The following PDZD2 variants were observed in gnomAD, a reference collection of about 807,000 sequenced individuals.
The protein encoded by PDZD2 is PDZ domain-containing protein 2.
A neutral mutation model predicts 220.7 loss-of-function variants in PDZD2; 90 were observed. The ratio of observed to expected loss-of-function variants is 0.41; its 90% CI spans 0.34 to 0.49. The LOEUF (loss-of-function observed/expected upper bound fraction) is 0.49. PDZD2 is among the 20% of genes least tolerant of loss of function. PDZD2 has a pLI of 0.28. For synonymous variants in PDZD2, 1,375 were observed against 1,450.5 expected (o/e 0.95, Z 1.18); for missense variants, 3,174 against 3,608.5 (o/e 0.88, Z 3.08).
chr5:32,040,450 C>G (rs1373530818), intron 7 of PDZD2, among the ~76,000 whole-genome samples: 10 of 102,834 alleles, frequency 9.7e-5, no homozygotes, highest in East Asian at 6.7e-4. Context: ...CCATCGTCTG[C>G]GATGTGAGGA....
intron 1 of PDZD2, among the ~76,000 whole-genome samples, chr5:31,681,997 A>G (rs1285845067): frequency 6.6e-6 from 1 of 152,252 alleles, no homozygotes; most frequent in Non-Finnish European, 1.5e-5. Context: ...TAGGACCAAA[A>G]GAGGGCTGTA....
chr5:31,858,687 C>CT (rs1243543373), intron 2 of PDZD2, among the ~76,000 whole-genome samples: 1 of 152,008 alleles, frequency 6.6e-6, no homozygotes, highest in Admixed American at 6.6e-5. Flanking sequence ...TTGCATTTCT[C>CT]TTTTCCTTCC....
At chr5:32,079,266 AAAC>A (rs1741664675) in intron 19 of PDZD2, among the ~76,000 whole-genome samples, 1 of 144,384 alleles carries the variant, frequency 6.9e-6, no homozygotes, top group South Asian at 2.1e-4. Flanking sequence ...CTCAAAAAAA[AAAC>A]AAAAAAAAAA....
chr5:31,850,111 T>TATATACGTGTATATATAAGTAG (rs1757931817), intron 2 of PDZD2, among the ~76,000 whole-genome samples: 1 of 142,640 alleles, frequency 7.0e-6, no homozygotes, highest in African/African-American at 2.5e-5. Context: ...TATATAAGTA[T>TATATACGTGTATATATAAGTAG]ATATACGTGT....
intron 2 of PDZD2, among the ~76,000 whole-genome samples, chr5:31,840,089 A>G (rs1312766095): frequency 1.3e-5 from 2 of 152,070 alleles, no homozygotes; most frequent in East Asian, 1.9e-4. Flanking sequence ...TTAGCCAGGC[A>G]TGGTGGCATG....
intron 6 of PDZD2, among the ~76,000 whole-genome samples, chr5:32,020,639 G>T (rs897353762): frequency 8.7e-5 from 10 of 115,086 alleles, no homozygotes; most frequent in African/African-American, 3.4e-4. Flanking sequence ...ATGACAAAAT[G>T]ATCTTTTTTT....
At chr5:31,716,648 C>T (rs1305983155) in intron 1 of PDZD2, among the ~76,000 whole-genome samples, 1 of 152,066 alleles carries the variant, frequency 6.6e-6, no homozygotes, top group Admixed American at 6.6e-5. Context: ...ACTAAAAATA[C>T]AAAAATTAGC....
At chr5:31,905,603 T>C (rs1344560194) in intron 2 of PDZD2, among the ~76,000 whole-genome samples, 1 of 152,262 alleles carries the variant, frequency 6.6e-6, no homozygotes, top group African/African-American at 2.4e-5. Flanking sequence ...TCATGCTAGC[T>C]CTGTGTATCT....
intron 3 of PDZD2, among the ~76,000 whole-genome samples, chr5:31,989,635 G>T (rs973212330): frequency 6.6e-6 from 1 of 152,044 alleles, no homozygotes; most frequent in African/African-American, 2.4e-5. Context: ...TGTTGGCCAG[G>T]CTGGCCTCGA....
chr5:31,955,296 T>TTTTTG (rs1554013717), intron 2 of PDZD2, among the ~76,000 whole-genome samples: 29 of 152,010 alleles, frequency 1.9e-4, no homozygotes, highest in Non-Finnish European at 4.3e-4. Flanking sequence ...TGGGTTTTTT[T>TTTTTG]TTTTGTTTTG....
intron 2 of PDZD2, among the ~76,000 whole-genome samples, chr5:31,930,479 G>T (rs1450378014): frequency 6.6e-6 from 1 of 152,026 alleles, no homozygotes; most frequent in Admixed American, 6.6e-5. Flanking sequence ...GATTACAGGC[G>T]TGAGCCACCG....
At chr5:31,749,052 C>A (rs1750770008) in intron 1 of PDZD2, among the ~76,000 whole-genome samples, 2 of 151,770 alleles carry the variant, frequency 1.3e-5, no homozygotes, top group South Asian at 4.2e-4. Context: ...CCTAAGCTAG[C>A]AAGATCAAAG....
At chr5:31,778,331 C>T (rs1056876634) in intron 1 of PDZD2, among the ~76,000 whole-genome samples, 2 of 152,190 alleles carry the variant, frequency 1.3e-5, no homozygotes, top group Non-Finnish European at 2.9e-5. Flanking sequence ...GGGTCCCCTT[C>T]CACACTGTGG....
At chr5:31,994,253 C>A (rs1052394162) in intron 3 of PDZD2, among the ~76,000 whole-genome samples, 2 of 151,732 alleles carry the variant, frequency 1.3e-5, no homozygotes, top group East Asian at 3.9e-4. Context: ...GTGATCCCCC[C>A]ACCTTGGCCT....
rs978082780 is a variant in PDZD2, at chr5:31,905,144, AT to A, written c.477-78002del. Among the ~76,000 whole-genome samples the A allele has an allele frequency of 2.2e-3, 327 of 150,808 alleles. 3 individuals carry two copies. Among genetic ancestry groups the A allele is most frequent in the Non-Finnish European group, 3.7e-3 (248 of 67,646 alleles). ...CCACCACGCCCGGCTAATTTTTTGT[AT>A]TTTTTTTTCTTTCTTAGTAGAGAGG... On this transcript the variant is annotated intron_variant, in intron 2 of 24. Coordinates refer to ENST00000438447, the MANE Select transcript of PDZD2 (RefSeq NM_178140.4).
intron 1 of PDZD2, among the ~76,000 whole-genome samples, chr5:31,648,674 A>T (rs1745225602): frequency 6.8e-6 from 1 of 147,828 alleles, no homozygotes. Context: ...TTTTTTTAAG[A>T]CTTTTTTTTT....
At chr5:31,997,546 C>T (rs1751733703) in intron 4 of PDZD2, among the ~76,000 whole-genome samples, 1 of 152,106 alleles carries the variant, frequency 6.6e-6, no homozygotes, top group African/African-American at 2.4e-5. Flanking sequence ...TTGAGGAGCT[C>T]CTGTCAGATA....
intron 2 of PDZD2, among the ~76,000 whole-genome samples, chr5:31,878,727 A>AT (rs531640344): frequency 6.6e-6 from 1 of 150,896 alleles, no homozygotes; most frequent in African/African-American, 2.4e-5. Context: ...CGCCCAGCTA[A>AT]TTTTTTTGTA....
At chr5:31,869,443 G>A (rs1286187634) in intron 2 of PDZD2, among the ~76,000 whole-genome samples, 9 of 152,198 alleles carry the variant, frequency 5.9e-5, no homozygotes, top group African/African-American at 1.7e-4. Flanking sequence ...GGCGCCTGTA[G>A]TCCCAGCTAC....
Sources: allele counts gnomAD v4.1 joint callset (sites outside exome capture counted in the v4.1 genomes callset), GRCh38; gene constraint gnomAD v4.1.1; transcripts MANE v1.5; gene names NCBI Gene and HGNC (gene_info 2026-07-23, HGNC 2026-07-21).